CSTPP1: variants seen among roughly 807,000 people sequenced by gnomAD.
CSTPP1 encodes centriolar satellite-associated tubulin polyglutamylase complex regulator 1.
At chr11:46,983,718 T>TTGA in the CSTPP1 span, among the ~76,000 whole-genome samples, 1 of 152,170 alleles carries the variant, frequency 6.6e-6, no homozygotes, top group Non-Finnish European at 1.5e-5. Context: ...TCATTGAAGT[T>TTGA]TGATAAACTA....
At chr11:46,938,378 ATAT>A in the CSTPP1 span, among the ~76,000 whole-genome samples, 1 of 149,154 alleles carries the variant, frequency 6.7e-6, no homozygotes, top group South Asian at 2.1e-4. Context: ...TTATAGATAC[ATAT>A]TATTAACTAA....
chr11:46,969,395 T>C, the CSTPP1 span, among the ~76,000 whole-genome samples: 91 of 152,326 alleles, frequency 6.0e-4, no homozygotes, highest in African/African-American at 2.2e-3. Context: ...GTAAAAGCTT[T>C]TATAATTGTT....
chr11:47,057,826 A>G, the CSTPP1 span, among the ~76,000 whole-genome samples: 2 of 152,252 alleles, frequency 1.3e-5, no homozygotes, highest in Non-Finnish European at 2.9e-5. Context: ...CAAGGGGCTA[A>G]GGATAATTCA....
chr11:46,994,329 TGA>T, the CSTPP1 span, among the ~76,000 whole-genome samples: 2 of 152,178 alleles, frequency 1.3e-5, no homozygotes, highest in African/African-American at 4.8e-5. Context: ...ATAGGAGTGG[TGA>T]GAGAGGGCAT....
chr11:47,111,732 T>G, the CSTPP1 span, among the ~76,000 whole-genome samples: 1 of 152,172 alleles, frequency 6.6e-6, no homozygotes, highest in African/African-American at 2.4e-5. Flanking sequence ...TGAAGGACTC[T>G]CTAACCCCAC....
chr11:46,972,763 G>A, the CSTPP1 span, among the ~76,000 whole-genome samples: 1 of 152,242 alleles, frequency 6.6e-6, no homozygotes, highest in Admixed American at 6.5e-5. Context: ...TCCTCAGTTA[G>A]TAAATGGAAA....
At chr11:47,015,982 T>G in the CSTPP1 span, among the ~76,000 whole-genome samples, 1 of 152,186 alleles carries the variant, frequency 6.6e-6, no homozygotes, top group South Asian at 2.1e-4. Flanking sequence ...CTGTTCATGC[T>G]GTCTCTCACC....
At chr11:46,950,260 G>A in the CSTPP1 span, among the ~76,000 whole-genome samples, 7 of 146,574 alleles carry the variant, frequency 4.8e-5, no homozygotes, top group South Asian at 2.2e-4. Flanking sequence ...TGCAAGCTCC[G>A]CCTCCCAGGT....
At chr11:47,007,306 C>T in the CSTPP1 span, among the ~76,000 whole-genome samples, 1 of 152,156 alleles carries the variant, frequency 6.6e-6, no homozygotes, top group Non-Finnish European at 1.5e-5. Context: ...GCTGGAATTA[C>T]AGTCATGAGC....
At chr11:47,087,971 G>T in the CSTPP1 span, among the ~76,000 whole-genome samples, 6 of 152,074 alleles carry the variant, frequency 3.9e-5, no homozygotes, top group Non-Finnish European at 7.4e-5. Context: ...CAGTCATGTG[G>T]GAGGCCTCAG....
the CSTPP1 span, among the ~76,000 whole-genome samples, chr11:46,948,467 A>AAATGGAGTTGATAAAAGCTACCTCAC: frequency 1.3e-5 from 2 of 152,186 alleles, no homozygotes. Flanking sequence ...AATTGCACAG[A>AAATGGAGTTGATAAAAGCTACCTCAC]AGAGGATGCC....
the CSTPP1 span, among the ~76,000 whole-genome samples, chr11:47,106,440 C>T: frequency 6.6e-6 from 1 of 152,028 alleles, no homozygotes; most frequent in Non-Finnish European, 1.5e-5. Context: ...GCCAGGAGTT[C>T]AAGACCTGCC....
chr11:47,160,380 A>G, the CSTPP1 span: 1 of 151,542 alleles, frequency 6.6e-6, no homozygotes, highest in East Asian at 1.9e-4. Flanking sequence ...ATGGAATGGG[A>G]GACAGAAAGA....
chr11:47,105,149 T>G, the CSTPP1 span, among the ~76,000 whole-genome samples: 1 of 152,204 alleles, frequency 6.6e-6, no homozygotes, highest in African/African-American at 2.4e-5. Context: ...ATGTAGCTCA[T>G]GTGCCTGCCA....
At chr11:47,062,740 C>T in the CSTPP1 span, among the ~76,000 whole-genome samples, 2 of 152,236 alleles carry the variant, frequency 1.3e-5, no homozygotes. Context: ...AGTCGGCTAA[C>T]TACACATGCC....
At chr11:46,969,488 A>T in the CSTPP1 span, among the ~76,000 whole-genome samples, 1 of 152,222 alleles carries the variant, frequency 6.6e-6, no homozygotes, top group African/African-American at 2.4e-5. Flanking sequence ...CCTGTGACCC[A>T]GTTATTCACT....
At chr11:47,024,216 C>T in the CSTPP1 span, among the ~76,000 whole-genome samples, 1 of 151,848 alleles carries the variant, frequency 6.6e-6, no homozygotes, top group Admixed American at 6.6e-5. Flanking sequence ...TGTGCCATCA[C>T]ACCTGGCAAA....
chr11:46,937,181 G>C, the CSTPP1 span, among the ~76,000 whole-genome samples: 2 of 152,322 alleles, frequency 1.3e-5, no homozygotes, highest in Non-Finnish European at 2.9e-5. Flanking sequence ...GGAACCTCAA[G>C]TGCCAAATCA....
the CSTPP1 span, among the ~76,000 whole-genome samples, chr11:47,062,481 TG>T: frequency 6.6e-6 from 1 of 152,232 alleles, no homozygotes; most frequent in African/African-American, 2.4e-5. Context: ...TACCCCTTAT[TG>T]AGCAAATGCT....
Sources: gnomAD v4.1 joint callset for allele counts (sites outside exome capture counted in the v4.1 genomes callset) on GRCh38, gnomAD v4.1.1 for gene constraint, MANE v1.5 for transcripts, NCBI Gene and HGNC (gene_info 2026-07-23, HGNC 2026-07-21) for gene names.